The following CEP15 variants were observed in gnomAD, a reference collection of about 807,000 sequenced individuals.
CEP15 encodes centrosomal protein 15.
chr3:62,331,341 A>C, the CEP15 span: 3 of 1,613,016 alleles, frequency 1.9e-6, no homozygotes, highest in Non-Finnish European at 2.5e-6. Flanking sequence ...GAAGCAGCAG[A>C]AAAGTCACTA....
At chr3:62,331,433 G>C in the CEP15 span, 1 of 1,547,486 alleles carries the variant, frequency 6.5e-7, no homozygotes, top group East Asian at 2.2e-5. Flanking sequence ...TAAAAAGAGA[G>C]ACCCTATCTA....
the CEP15 span, among the ~76,000 whole-genome samples, chr3:62,323,025 T>C: frequency 1.3e-5 from 2 of 152,224 alleles, no homozygotes; most frequent in African/African-American, 4.8e-5. Flanking sequence ...ATCTGGAATT[T>C]GCTCTGAAAA....
chr3:62,321,846 AG>A, the CEP15 span: 1 of 1,080,310 alleles, frequency 9.3e-7, no homozygotes, highest in African/African-American at 1.6e-5. The surrounding 1 kb of genome is among the most constrained non-coding windows in gnomAD (Gnocchi z 4.1). Context: ...GGTGCAATTA[AG>A]AAATGAATTT....
chr3:62,333,235 T>G, the CEP15 span: 2 of 1,605,236 alleles, frequency 1.2e-6, no homozygotes, highest in African/African-American at 1.3e-5. This position sits in a 1 kb window ranked among gnomAD's most constrained non-coding sequence, Gnocchi z 4.0. Flanking sequence ...GCTTTTTTAC[T>G]TTTGGATTTT....
the CEP15 span, among the ~76,000 whole-genome samples, chr3:62,323,383 G>A: frequency 1.3e-5 from 2 of 152,102 alleles, no homozygotes; most frequent in Admixed American, 6.6e-5. Flanking sequence ...AGAAGGCAAG[G>A]CATACTGTTG....
chr3:62,327,044 T>C, the CEP15 span, among the ~76,000 whole-genome samples: 2 of 152,188 alleles, frequency 1.3e-5, no homozygotes, highest in South Asian at 2.1e-4. Flanking sequence ...TTGTACTTGA[T>C]TGATAAGTCT....
the CEP15 span, chr3:62,324,058 G>A: frequency 6.6e-6 from 1 of 151,960 alleles, no homozygotes; most frequent in Non-Finnish European, 1.5e-5. Flanking sequence ...GAATTTTAGT[G>A]GCTCTACCAT....
At chr3:62,325,588 T>C in the CEP15 span, among the ~76,000 whole-genome samples, 1 of 152,182 alleles carries the variant, frequency 6.6e-6, no homozygotes, top group Non-Finnish European at 1.5e-5. Context: ...ATTAGTAAAA[T>C]GGAATTTATC....
the CEP15 span, chr3:62,322,276 A>G: frequency 2.4e-6 from 1 of 422,698 alleles, no homozygotes; most frequent in Non-Finnish European, 4.1e-6. The surrounding 1 kb of genome is among the most constrained non-coding windows in gnomAD (Gnocchi z 5.5). Flanking sequence ...AAATGTTTGC[A>G]ATCAACTAGA....
At chr3:62,324,797 G>A in the CEP15 span, among the ~76,000 whole-genome samples, 1 of 152,098 alleles carries the variant, frequency 6.6e-6, no homozygotes, top group Admixed American at 6.5e-5. Context: ...TGTAATAAGA[G>A]TACAAAATAT....
the CEP15 span, among the ~76,000 whole-genome samples, chr3:62,327,679 A>G: frequency 1.3e-5 from 2 of 152,250 alleles, no homozygotes; most frequent in Admixed American, 1.3e-4. Flanking sequence ...TGTAACTTAT[A>G]TGAAGAGAAT....
chr3:62,334,275 T>G, the CEP15 span: 1 of 152,008 alleles, frequency 6.6e-6, no homozygotes, highest in Non-Finnish European at 1.5e-5. This position sits in a 1 kb window ranked among gnomAD's most constrained non-coding sequence, Gnocchi z 4.9. Flanking sequence ...TATATAACTT[T>G]CCAGCTATAG....
chr3:62,333,596 C>T, the CEP15 span: 1 of 443,282 alleles, frequency 2.3e-6, no homozygotes, highest in Non-Finnish European at 3.9e-6. This position sits in a 1 kb window ranked among gnomAD's most constrained non-coding sequence, Gnocchi z 4.0. Flanking sequence ...CTACCAAACC[C>T]ATAGATGTGT....
At chr3:62,329,882 G>GTAAAAAACATGT in the CEP15 span, among the ~76,000 whole-genome samples, 4 of 152,016 alleles carry the variant, frequency 2.6e-5, no homozygotes, top group Non-Finnish European at 5.9e-5. Flanking sequence ...ATTTATAAAG[G>GTAAAAAACATGT]TAAAAAACAT....
chr3:62,323,572 A>G, the CEP15 span, among the ~76,000 whole-genome samples: 2 of 152,256 alleles, frequency 1.3e-5, no homozygotes, highest in African/African-American at 2.4e-5. Flanking sequence ...AAAGGAAAAT[A>G]TAGACTTATA....
chr3:62,334,951 C>G, the CEP15 span: 1 of 151,630 alleles, frequency 6.6e-6, no homozygotes, highest in East Asian at 1.9e-4. The surrounding 1 kb of genome is among the most constrained non-coding windows in gnomAD (Gnocchi z 4.9). Context: ...TCCAATCTTT[C>G]CCAGCATATG....
At chr3:62,332,506 G>T in the CEP15 span, among the ~76,000 whole-genome samples, 1 of 152,040 alleles carries the variant, frequency 6.6e-6, no homozygotes, top group Non-Finnish European at 1.5e-5. Flanking sequence ...GCTTTGGGCA[G>T]TTTAGTTCTC....
At chr3:62,321,948 G>A in the CEP15 span, 2 of 1,600,698 alleles carry the variant, frequency 1.2e-6, no homozygotes, top group Non-Finnish European at 1.7e-6. This position sits in a 1 kb window ranked among gnomAD's most constrained non-coding sequence, Gnocchi z 4.1. Context: ...AAAGATTAAT[G>A]TTACTTCAAC....
At chr3:62,321,663 A>G in the CEP15 span, among the ~76,000 whole-genome samples, 4 of 152,182 alleles carry the variant, frequency 2.6e-5, no homozygotes, top group African/African-American at 9.7e-5. The surrounding 1 kb of genome is among the most constrained non-coding windows in gnomAD (Gnocchi z 4.1). Context: ...AAAAGACCAG[A>G]GAGGCTAAAA....
Sources: allele counts gnomAD v4.1 joint callset (sites outside exome capture counted in the v4.1 genomes callset), GRCh38; gene constraint gnomAD v4.1.1; non-coding constraint Gnocchi (gnomAD v3.1); transcripts MANE v1.5; gene names NCBI Gene and HGNC (gene_info 2026-07-23, HGNC 2026-07-21).